PHF2: variants seen among roughly 807,000 people sequenced by gnomAD.
PHF2 encodes lysine-specific demethylase PHF2.
Under a neutral mutation model 120.5 loss-of-function variants are expected in PHF2, and 27 were observed. That is an observed-to-expected ratio of 0.22 (90% CI 0.17 to 0.31). The LOEUF (loss-of-function observed/expected upper bound fraction) is 0.31, where lower values mean the gene tolerates loss of function less well. Among genes scored for constraint, PHF2 ranks in the 10% least tolerant of loss-of-function variants. The pLI, the probability that PHF2 is intolerant of heterozygous loss-of-function variation, is 1.00. For synonymous variants in PHF2, 568 were observed against 592.5 expected, an observed-to-expected ratio of 0.96 and a Z score of 0.60; for missense variants, 1,024 against 1,434.8, an observed-to-expected ratio of 0.71 and a Z score of 4.63.
chr9:93,646,084 C>T (rs1370076120), intron 4 of PHF2, among the ~76,000 whole-genome samples: 3 of 152,216 alleles, frequency 2.0e-5, no homozygotes, highest in East Asian at 3.8e-4. Context: ...ACTGTGGGTG[C>T]TACATGACAC....
intron 14 of PHF2, among the ~76,000 whole-genome samples, chr9:93,664,480 G>A (rs1826639471): frequency 6.6e-6 from 1 of 152,216 alleles, no homozygotes; most frequent in South Asian, 2.1e-4. Context: ...CCAGCAGGAG[G>A]GGCGGCCACT....
chr9:93,576,923 C>T (rs1862829248), intron 1 of PHF2, 52 bp downstream of exon 1: 1 of 797,948 alleles, frequency 1.3e-6, no homozygotes. Flanking sequence ...GGCCACCTTG[C>T]CCGACCGAGC....
At position 93,665,865 on chromosome 9, in the gene PHF2, G is replaced by A; in HGVS notation, c.2116+1G>A. The A allele has an allele frequency of 6.2e-7, 1 of 1,612,094 alleles. No homozygotes were observed. Among genetic ancestry groups the A allele is most frequent in the Non-Finnish European group, 8.5e-7 (1 of 1,179,176 alleles). ...AACGCCCCGAAAAGGGACTTGTCCT[G>A]TGAGTTGGGAGGGGGTGTTGGGGGA... On this transcript the variant is annotated splice_donor_variant, in intron 15 of 21. Transcript: ENST00000359246. LOFTEE classifies it high-confidence loss of function.
intron 3 of PHF2, 95 bp downstream of exon 3, chr9:93,636,620 T>C: frequency 2.2e-6 from 2 of 898,990 alleles, no homozygotes; most frequent in Admixed American, 2.3e-5. Context: ...GGGGCTTCCT[T>C]TGCTATCCTT....
intron 1 of PHF2, among the ~76,000 whole-genome samples, chr9:93,618,385 G>A (rs13290276): frequency 0.69 from 104,616 of 151,778 alleles, 36,802 homozygotes; most frequent in African/African-American, 0.82. Context: ...ACATGGACAC[G>A]CATACGCATG....
chr9:93,629,514 A>G (rs1825964177), intron 1 of PHF2, among the ~76,000 whole-genome samples: 1 of 152,140 alleles, frequency 6.6e-6, no homozygotes, highest in African/African-American at 2.4e-5. Flanking sequence ...CTTGGCCCCC[A>G]TGAGGATGAG....
intron 3 of PHF2, 32 bp downstream of exon 3, chr9:93,636,557 T>G: frequency 7.1e-7 from 1 of 1,415,132 alleles, no homozygotes; most frequent in Non-Finnish European, 9.8e-7. Flanking sequence ...CTCCACCACC[T>G]GCAGCCAGGG....
At chr9:93,578,583 C>A (rs1862878019) in intron 1 of PHF2, among the ~76,000 whole-genome samples, 1 of 152,154 alleles carries the variant, frequency 6.6e-6, no homozygotes, top group Non-Finnish European at 1.5e-5. Context: ...CTGCTGCCCA[C>A]ACTCGGGGCC....
intron 1 of PHF2, among the ~76,000 whole-genome samples, chr9:93,625,156 C>T (rs1397659937): frequency 6.6e-6 from 1 of 152,212 alleles, no homozygotes; most frequent in African/African-American, 2.4e-5. Context: ...TCTGGCACCA[C>T]TAGTCAGCTT....
chr9:93,609,511 AC>A (rs576218527), intron 1 of PHF2, among the ~76,000 whole-genome samples: 76 of 148,448 alleles, frequency 5.1e-4, no homozygotes, highest in African/African-American at 1.7e-3. Context: ...TTTCTCCTTC[AC>A]TTTTGACGGA....
At chr9:93,615,005 T>C (rs1473280722) in intron 1 of PHF2, among the ~76,000 whole-genome samples, 1 of 151,532 alleles carries the variant, frequency 6.6e-6, no homozygotes, top group East Asian at 1.9e-4. Context: ...ATGGTGATGA[T>C]GATAGTAATG....
At chr9:93,602,749 C>T (rs1402442757) in intron 1 of PHF2, among the ~76,000 whole-genome samples, 1 of 152,178 alleles carries the variant, frequency 6.6e-6, no homozygotes, top group Admixed American at 6.5e-5. Flanking sequence ...TCTGGACTCA[C>T]TCTTGGGGGC....
intron 17 of PHF2, among the ~76,000 whole-genome samples, chr9:93,667,721 G>A (rs762871446): frequency 2.6e-5 from 4 of 152,136 alleles, no homozygotes; most frequent in Non-Finnish European, 5.9e-5. Flanking sequence ...ATACTTGCAC[G>A]TGGGCACACT....
At chr9:93,648,931 A>G (rs1419973496) in intron 4 of PHF2, 140 bp from the exon 5 acceptor site, 6 of 871,166 alleles carry the variant, frequency 6.9e-6, no homozygotes, top group South Asian at 3.3e-5. Context: ...GTTGGCACCT[A>G]GAGCCTCCGC....
chr9:93,616,397 A>G (rs1344761660), intron 1 of PHF2, among the ~76,000 whole-genome samples: 1 of 151,848 alleles, frequency 6.6e-6, no homozygotes, highest in African/African-American at 2.4e-5. Context: ...TAGTCCCCTG[A>G]CTAGAAGGGT....
Position 93,679,306 on chromosome 9 carries a change from G to A in PHF2, c.*1630G>A. 2.2e-6 allele frequency: 1 copy of A among 454,608 alleles called. No homozygotes were observed. Among genetic ancestry groups the A allele is most frequent in the Non-Finnish European group, 4.4e-6 (1 of 226,688 alleles). 28.2% of individuals were successfully genotyped at this position (454,608 alleles called of 1,614,324 possible). A position where few individuals can be genotyped will look rare whatever the true frequency, so the allele number is the denominator to read the frequency against. On this transcript the variant is annotated 3_prime_UTR_variant, in exon 22 of 22. Transcript: ENST00000359246. ...GGTGGGAGAGGGGGAGTCTCACGGG[G>A]CCCCAGGCTTATTCAGAACTGGTGT...
At chr9:93,665,303 G>A (rs1474793726) in intron 14 of PHF2, among the ~76,000 whole-genome samples, 1 of 152,256 alleles carries the variant, frequency 6.6e-6, no homozygotes, top group Non-Finnish European at 1.5e-5. Flanking sequence ...GTGGCCCTGG[G>A]ACAGTTGGGG....
chr9:93,585,849 G>T (rs1161388640), intron 1 of PHF2, among the ~76,000 whole-genome samples: 2 of 152,254 alleles, frequency 1.3e-5, no homozygotes, highest in African/African-American at 4.8e-5. Flanking sequence ...TGGGCCATTG[G>T]AAAGAGTAGT....
intron 3 of PHF2, among the ~76,000 whole-genome samples, chr9:93,637,053 G>A (rs1014424058): frequency 6.6e-6 from 1 of 152,258 alleles, no homozygotes; most frequent in Non-Finnish European, 1.5e-5. Context: ...CCTCTGAGCT[G>A]CCCTGCAGCC....
Sources: gnomAD v4.1 joint callset for allele counts (sites outside exome capture counted in the v4.1 genomes callset) on GRCh38, gnomAD v4.1.1 for gene constraint, MANE v1.5 for transcripts, NCBI Gene and HGNC (gene_info 2026-07-23, HGNC 2026-07-21) for gene names.